The following LYRM4 variants were observed in gnomAD, a reference collection of about 807,000 sequenced individuals.
LYRM4 encodes LYR motif containing 4.
In LYRM4, 9 loss-of-function variants were observed where a neutral mutation model predicts 11.7. The observed-to-expected ratio is 0.77, with a 90% CI of 0.46 to 1.34. LYRM4 has a LOEUF of 1.34. Among genes scored for constraint, LYRM4 ranks in the 40% most tolerant of loss-of-function variants. LYRM4 has a pLI of 0.00. For synonymous variants in LYRM4, 42 were observed against 40.4 expected, an observed-to-expected ratio of 1.04 and a Z score of -0.15; for missense variants, 133 against 112.5, an observed-to-expected ratio of 1.18 and a Z score of -0.82.
chr6:5,245,163 T>TAAAA (rs1554145199), intron 1 of LYRM4, among the ~76,000 whole-genome samples: 4 of 65,252 alleles, frequency 6.1e-5, no homozygotes, highest in African/African-American at 1.1e-4. Flanking sequence ...TATATATATA[T>TAAAA]AAAATAGGTG....
At chr6:5,198,074 TG>T (rs1474005001) in intron 2 of LYRM4, among the ~76,000 whole-genome samples, 3 of 151,886 alleles carry the variant, frequency 2.0e-5, no homozygotes, top group African/African-American at 7.3e-5. Context: ...GGCAGGTGCC[TG>T]TAATCTCAGC....
rs114278100 is a variant in LYRM4, at chr6:5,179,558, T to C, written c.207+37060A>G. On this transcript the variant is annotated intron_variant, in intron 2 of 2. Coordinates refer to ENST00000330636, the MANE Select transcript of LYRM4 (RefSeq NM_020408.6). ...TGTGCCTGGCTTATTTCACCTAGCA[T>C]AATGTCCTCCAGATTCATCCATGTT... 9.0e-3 allele frequency among the ~76,000 whole-genome samples: 1,372 copies of C among 152,358 alleles called. 18 individuals carry two copies. The highest frequency in any genetic ancestry group is 0.031 in the African/African-American group (1,289 of 41,584).
intron 1 of LYRM4, among the ~76,000 whole-genome samples, chr6:5,222,059 G>A (rs1415374277): frequency 2.0e-5 from 3 of 152,164 alleles, no homozygotes; most frequent in African/African-American, 4.8e-5. Flanking sequence ...AAGGTCACAC[G>A]GACTCTGGGT....
chr6:5,146,873 T>C (rs1226423608), intron 2 of LYRM4, among the ~76,000 whole-genome samples: 4 of 152,172 alleles, frequency 2.6e-5, no homozygotes, highest in African/African-American at 9.7e-5. Context: ...CATGAAATAA[T>C]TCCAATACAT....
chr6:5,230,614 A>G (rs2127741822), intron 1 of LYRM4, among the ~76,000 whole-genome samples: 1 of 152,324 alleles, frequency 6.6e-6, no homozygotes, highest in South Asian at 2.1e-4. Context: ...ATGGAGAATA[A>G]CTACCTATGG....
In LYRM4 at chr6:5,195,332, C is replaced by T. The variant is rs78744052; in HGVS notation, c.207+21286G>A. On this transcript the variant is annotated intron_variant, in intron 2 of 2. Coordinates refer to ENST00000330636, the MANE Select transcript of LYRM4 (RefSeq NM_020408.6). ...ATTACAAAACCCCACAGTATCAGGC[C>T]GGGTATGGTGGCTCACGCCTATAAT... 6.0e-3 allele frequency among the ~76,000 whole-genome samples: 915 copies of T among 152,134 alleles called. 11 individuals are homozygous for T. Among genetic ancestry groups the T allele is most frequent in the South Asian group, 0.044 (210 of 4,816 alleles).
intron 2 of LYRM4, among the ~76,000 whole-genome samples, chr6:5,192,492 T>G (rs970466107): frequency 2.6e-5 from 4 of 152,172 alleles, no homozygotes; most frequent in Non-Finnish European, 2.9e-5. Flanking sequence ...TTTTTTAATT[T>G]AACGAAAACT....
intron 2 of LYRM4, among the ~76,000 whole-genome samples, chr6:5,192,805 C>T (rs1201981925): frequency 6.6e-6 from 1 of 152,236 alleles, no homozygotes; most frequent in East Asian, 1.9e-4. Context: ...GCGGGCGGAT[C>T]ACCTGAAGTC....
At chr6:5,120,446 T>C (rs1490244331) in intron 2 of LYRM4, among the ~76,000 whole-genome samples, 1 of 152,166 alleles carries the variant, frequency 6.6e-6, no homozygotes, top group Non-Finnish European at 1.5e-5. Flanking sequence ...CCACAGACCT[T>C]TACCGTGAGT....
the LYRM4 span, among the ~76,000 whole-genome samples, chr6:5,096,432 G>A: frequency 6.6e-6 from 1 of 152,206 alleles, no homozygotes; most frequent in Admixed American, 6.5e-5. Flanking sequence ...AGAGGCCACA[G>A]TGAGTTATGA....
chr6:5,128,134 C>A (rs983798773), intron 2 of LYRM4, among the ~76,000 whole-genome samples: 21 of 152,148 alleles, frequency 1.4e-4, no homozygotes, highest in African/African-American at 5.1e-4. Flanking sequence ...GAGAGGGTGT[C>A]TTACAGTTGT....
the LYRM4 span, among the ~76,000 whole-genome samples, chr6:5,059,596 C>A: frequency 6.6e-6 from 1 of 152,228 alleles, no homozygotes; most frequent in East Asian, 1.9e-4. Context: ...TGCTCTGCGG[C>A]CCCATCAGAC....
chr6:5,074,715 G>A, the LYRM4 span, among the ~76,000 whole-genome samples: 2 of 150,754 alleles, frequency 1.3e-5, no homozygotes, highest in African/African-American at 4.8e-5. Context: ...GCACAAGTAA[G>A]GGAAGTGATT....
intron 1 of LYRM4, among the ~76,000 whole-genome samples, chr6:5,231,347 T>C (rs188991786): frequency 6.6e-6 from 1 of 152,284 alleles, no homozygotes; most frequent in East Asian, 1.9e-4. Flanking sequence ...CTATAGAGCA[T>C]AGTCAAAACC....
chr6:5,206,440 T>C (rs1039774349), intron 2 of LYRM4, among the ~76,000 whole-genome samples: 1 of 152,218 alleles, frequency 6.6e-6, no homozygotes, highest in Admixed American at 6.5e-5. Flanking sequence ...TGGAGTGGAA[T>C]AGTCTAATGA....
chr6:5,083,572 AC>A, the LYRM4 span, among the ~76,000 whole-genome samples: 2 of 152,158 alleles, frequency 1.3e-5, no homozygotes, highest in African/African-American at 4.8e-5. Context: ...CATGAAAGCC[AC>A]CCTGTGGGGC....
the LYRM4 span, among the ~76,000 whole-genome samples, chr6:5,036,383 G>T: frequency 1.1e-4 from 17 of 152,166 alleles, no homozygotes; most frequent in African/African-American, 3.9e-4. Flanking sequence ...GGCTGCTGAG[G>T]CCTGAAAGGA....
chr6:5,117,885 GT>G lies in LYRM4; in HGVS notation c.208-8395del, dbSNP rs113970455. On this transcript the variant is annotated intron_variant, in intron 2 of 2. Coordinates refer to ENST00000330636, the MANE Select transcript of LYRM4 (RefSeq NM_020408.6). ...CATAGCAAGACCCAGTCTCTTAACA[GT>G]TTTTTTTTCCTCCAAGTTGACAAGT... is the stretch of plus-strand genomic sequence containing the variant. Among the ~76,000 whole-genome samples the G allele has an allele frequency of 3.7e-3, 560 of 150,542 alleles. 3 individuals are homozygous for G. The highest frequency in any genetic ancestry group is 0.013 in the African/African-American group (524 of 41,008).
At chr6:5,109,581 C>A (rs934230072) in intron 2 of LYRM4, 90 bp from the exon 3 acceptor site, 1 of 1,358,866 alleles carries the variant, frequency 7.4e-7, no homozygotes, top group Non-Finnish European at 1.0e-6. Context: ...ATTTCTAATA[C>A]AAACGTCGGC....
Sources: gnomAD v4.1 joint callset for allele counts (sites outside exome capture counted in the v4.1 genomes callset) on GRCh38, gnomAD v4.1.1 for gene constraint, MANE v1.5 for transcripts, NCBI Gene and HGNC (gene_info 2026-07-23, HGNC 2026-07-21) for gene names.